STMN2: variants seen among roughly 807,000 people sequenced by gnomAD.
STMN2 encodes the protein stathmin 2, also known as stathmin-2.
A neutral mutation model predicts 24.1 loss-of-function variants in STMN2; 2 were observed. That is an observed-to-expected ratio of 0.08 (90% confidence interval 0.03 to 0.26). The LOEUF (loss-of-function observed/expected upper bound fraction) is 0.26. Ranked by LOEUF, STMN2 falls within the 10% of genes least tolerant of loss-of-function variation. The probability of loss-of-function intolerance (pLI) is 1.00; values close to 1 mark genes in which losing one functional copy is unlikely to be tolerated. For synonymous variants in STMN2, 83 were observed against 77.5 expected (o/e 1.07, Z -0.37); for missense variants, 114 against 213.6 (o/e 0.53, Z 2.91).
chr8:79,644,533 G>T (rs889494889), intron 3 of STMN2, among the ~76,000 whole-genome samples: 3 of 152,150 alleles, frequency 2.0e-5, no homozygotes, highest in Non-Finnish European at 4.4e-5. Context: ...TGATATGCTA[G>T]CCTGAATCAC....
At chr8:79,650,568 G>T (rs1329436149) in intron 3 of STMN2, among the ~76,000 whole-genome samples, 1 of 152,108 alleles carries the variant, frequency 6.6e-6, no homozygotes, top group Non-Finnish European at 1.5e-5. Flanking sequence ...TTCCTTGAGG[G>T]TCTGACTAGA....
At chr8:79,619,624 A>G (rs1242318134) in intron 1 of STMN2, among the ~76,000 whole-genome samples, 2 of 152,204 alleles carry the variant, frequency 1.3e-5, no homozygotes, top group Non-Finnish European at 2.9e-5. Flanking sequence ...CTTTTAGGAT[A>G]GACTTATTGC....
chr8:79,629,230 A>G, intron 1 of STMN2, among the ~76,000 whole-genome samples: 1 of 152,200 alleles, frequency 6.6e-6, no homozygotes, highest in East Asian at 1.9e-4. Flanking sequence ...TCAGGCAGTT[A>G]TAAACCTCAA....
chr8:79,662,672 T>C (rs1806526939), intron 4 of STMN2, among the ~76,000 whole-genome samples: 1 of 152,124 alleles, frequency 6.6e-6, no homozygotes, highest in African/African-American at 2.4e-5. Context: ...AGCTCACAAA[T>C]TATATTTATT....
intron 2 of STMN2, among the ~76,000 whole-genome samples, chr8:79,637,561 A>G (rs539255158): frequency 6.6e-6 from 1 of 152,280 alleles, no homozygotes; most frequent in South Asian, 2.1e-4. Flanking sequence ...GGATTCTCTA[A>G]GTCTCATTTA....
rs769631434 is a variant in STMN2 at position 79,641,574 on chromosome 8, T to TTC, written c.288+33_288+34dup. On this transcript the variant is annotated intron_variant, in intron 3 of 4. Coordinates refer to ENST00000220876, the MANE Select transcript of STMN2 (RefSeq NM_007029.4). ...AGGTAACTTTTTCCATAGGTTTTCCTTCTCTCTCTCCCTCCCCTGCTCCTC... is the reference window on the plus strand; with the variant it reads ...AGGTAACTTTTTCCATAGGTTTTCCTTCTCTCTCTCTCCCTCCCCTGCTCCTC... 6.4e-5 allele frequency: 102 copies of TTC among 1,593,696 alleles called. No homozygotes were observed. In the African/African-American group the frequency reaches 1.2e-3, roughly 19 times the overall value.
chr8:79,620,421 CACTA>C (rs550196829), intron 1 of STMN2, among the ~76,000 whole-genome samples: 95 of 152,076 alleles, frequency 6.2e-4, no homozygotes, highest in African/African-American at 2.2e-3. Flanking sequence ...TAGTCAGTGT[CACTA>C]ACTAAAGTAA....
chr8:79,626,293 C>T (rs1809653441), intron 1 of STMN2, among the ~76,000 whole-genome samples: 1 of 152,184 alleles, frequency 6.6e-6, no homozygotes, highest in South Asian at 2.1e-4. Flanking sequence ...GAGACATTCA[C>T]CTGCCTTCTC....
intron 3 of STMN2, among the ~76,000 whole-genome samples, chr8:79,643,149 G>GTATATATATATATA (rs201477262): frequency 9.1e-4 from 128 of 140,092 alleles, no homozygotes; most frequent in Non-Finnish European, 1.4e-3. Flanking sequence ...ATGTGTGTGT[G>GTATATATATATATA]TATATATATA....
At chr8:79,648,545 C>T (rs899822914) in intron 3 of STMN2, among the ~76,000 whole-genome samples, 2 of 143,026 alleles carry the variant, frequency 1.4e-5, no homozygotes, top group Non-Finnish European at 3.0e-5. Context: ...TAATTGCAAC[C>T]TCCACCTCCC....
chr8:79,652,744 A>T lies in STMN2; in HGVS notation c.289-2127A>T, dbSNP rs533020388. On this transcript the variant is annotated intron_variant, in intron 3 of 4. Transcript: ENST00000220876. ...ATTATTTTGTTTGATCCTGACAACC[A>T]TATGAGATAGGTACTATTCTTATCC... Among the ~76,000 whole-genome samples the T allele has an allele frequency of 5.3e-5, 8 of 152,222 alleles. No individual in the cohort carries two copies. In the East Asian group the frequency reaches 1.5e-3, roughly 29 times the overall value.
At chr8:79,630,778 C>T (rs544718618) in intron 1 of STMN2, among the ~76,000 whole-genome samples, 2 of 152,164 alleles carry the variant, frequency 1.3e-5, no homozygotes, top group Non-Finnish European at 2.9e-5. Context: ...TACATGAGAA[C>T]TGTCCTTAAC....
At chr8:79,633,400 T>A (rs1406952035) in intron 1 of STMN2, among the ~76,000 whole-genome samples, 3 of 152,188 alleles carry the variant, frequency 2.0e-5, no homozygotes, top group African/African-American at 7.2e-5. Flanking sequence ...CTGGGTTTTG[T>A]CCCCAGACCA....
chr8:79,621,103 C>A, intron 1 of STMN2: 1 of 876,684 alleles, frequency 1.1e-6, no homozygotes, highest in South Asian at 5.2e-5. Flanking sequence ...GCTGGTGCTG[C>A]ATGGAAGGAA....
intron 3 of STMN2, 92 bp downstream of exon 3, chr8:79,641,642 A>T (rs1018850496): frequency 1.8e-5 from 11 of 614,728 alleles, no homozygotes; most frequent in Non-Finnish European, 2.4e-5. Flanking sequence ...ACACACACAC[A>T]CACACACACA....
intron 1 of STMN2, among the ~76,000 whole-genome samples, chr8:79,622,263 A>T (rs193129536): frequency 6.6e-6 from 1 of 152,322 alleles, no homozygotes; most frequent in Admixed American, 6.5e-5. Context: ...GTTGTTAAGT[A>T]AGCAATTGAT....
At chr8:79,655,183 C>T (rs1806315510) in intron 4 of STMN2, 121 bp downstream of exon 4, 2 of 1,072,856 alleles carry the variant, frequency 1.9e-6, no homozygotes, top group Non-Finnish European at 1.3e-6. Flanking sequence ...GGACAACTAA[C>T]TCCCATGGGC....
chr8:79,656,593 T>G (rs931827846), intron 4 of STMN2, among the ~76,000 whole-genome samples: 1 of 152,182 alleles, frequency 6.6e-6, no homozygotes. Context: ...GCCACCACTT[T>G]GCACTTCTCC....
At chr8:79,637,398 C>T (rs922069026) in intron 2 of STMN2, among the ~76,000 whole-genome samples, 1 of 151,954 alleles carries the variant, frequency 6.6e-6, no homozygotes, top group African/African-American at 2.4e-5. Context: ...CGACTGAGGC[C>T]CTAGATAAAG....
Sources: gnomAD v4.1 joint callset for allele counts (sites outside exome capture counted in the v4.1 genomes callset) on GRCh38, gnomAD v4.1.1 for gene constraint, MANE v1.5 for transcripts, NCBI Gene and HGNC (gene_info 2026-07-23, HGNC 2026-07-21) for gene names.